APOBEC1: variants seen among roughly 807,000 people sequenced by gnomAD.
APOBEC1 encodes C->U-editing enzyme APOBEC-1.
In APOBEC1, 22 loss-of-function variants were observed where a neutral mutation model predicts 26.3. That is an observed-to-expected ratio of 0.84 (90% CI 0.60 to 1.19). APOBEC1 has a LOEUF of 1.19. APOBEC1 is among the 50% of genes most tolerant of loss of function. The pLI is 0.00. For synonymous variants in APOBEC1, 77 were observed against 95.3 expected, an observed-to-expected ratio of 0.81 and a Z score of 1.12; for missense variants, 253 against 289.0, an observed-to-expected ratio of 0.88 and a Z score of 0.90.
intron 1 of APOBEC1, among the ~76,000 whole-genome samples, chr12:7,660,364 G>A (rs375329223): frequency 9.3e-5 from 7 of 75,338 alleles, no homozygotes; most frequent in African/African-American, 2.8e-4. Flanking sequence ...AGGAAGGAAG[G>A]AAGGAAGGAA....
chr12:7,666,838 ATTT>A (rs201821548), upstream of APOBEC1, among the ~76,000 whole-genome samples: 1,236 of 151,648 alleles, frequency 8.2e-3, 19 homozygotes, highest in African/African-American at 0.028. Context: ...GAGTCAGCTA[ATTT>A]GTGTACAGGT....
chr12:7,659,861 C>T (rs10845640), intron 1 of APOBEC1, among the ~76,000 whole-genome samples: 52,244 of 151,660 alleles, frequency 0.34, 9,053 homozygotes, highest in South Asian at 0.45. Context: ...CCCAGCTACT[C>T]GGGAGGCTGA....
chr12:7,661,237 T>C (rs1592062515), intron 1 of APOBEC1, among the ~76,000 whole-genome samples: 1 of 135,974 alleles, frequency 7.4e-6, no homozygotes, highest in Admixed American at 7.4e-5. Flanking sequence ...ACGGGAACAA[T>C]AGACACTGGA....
chr12:7,649,759 C>G (rs1388441406), intron 4 of APOBEC1, 63 bp from the exon 5 acceptor site: 1 of 1,180,486 alleles, frequency 8.5e-7, no homozygotes, highest in African/African-American at 1.6e-5. Flanking sequence ...AATATTATCA[C>G]CACAAACATT....
At chr12:7,660,386 A>AGGAC (rs1309820289) in intron 1 of APOBEC1, among the ~76,000 whole-genome samples, 17 of 105,138 alleles carry the variant, frequency 1.6e-4, no homozygotes, top group South Asian at 8.7e-4. Context: ...GAAAGAAAGA[A>AGGAC]AGAAAGAAAG....
chr12:7,660,376 G>GAAGGAAGGAAGGAAAGAAAGAAAGAA (rs1290120140), intron 1 of APOBEC1, among the ~76,000 whole-genome samples: 1 of 60,982 alleles, frequency 1.6e-5, no homozygotes. Context: ...AGGAAGGAAG[G>GAAGGAAGGAAGGAAAGAAAGAAAGAA]AAAGAAAGAA....
intron 1 of APOBEC1, among the ~76,000 whole-genome samples, chr12:7,661,299 C>T (rs748394224): frequency 6.6e-6 from 1 of 151,548 alleles, no homozygotes; most frequent in Non-Finnish European, 1.5e-5. Flanking sequence ...AAAAACTTCC[C>T]ATTGGGTACT....
At chr12:7,664,701 G>A (rs999304677) in intron 1 of APOBEC1, among the ~76,000 whole-genome samples, 1 of 152,080 alleles carries the variant, frequency 6.6e-6, no homozygotes, top group Non-Finnish European at 1.5e-5. Flanking sequence ...GATCACTTGA[G>A]CCCAGGAGTT....
intron 4 of APOBEC1, 102 bp from the exon 5 acceptor site, chr12:7,649,798 C>A (rs940287252): frequency 1.6e-5 from 16 of 969,920 alleles, no homozygotes; most frequent in Non-Finnish European, 2.2e-5. Flanking sequence ...GACGATTTAA[C>A]TATTTCTTCT....
In APOBEC1 at chr12:7,652,518, C is replaced by A. The variant is rs769726805; in HGVS notation, c.362G>T (p.Trp121Leu). 1.2e-6 allele frequency: 2 copies of A among 1,614,068 alleles called. No homozygotes were observed. Among genetic ancestry groups the A allele is most frequent in the East Asian group, 2.2e-5 (1 of 44,880 alleles). ...TLVIYVARLF[W>L]HMDQQNRQGL... ...TTGCCGATTTTGTTGATCCATGTGCCAAAAAAGCCGAGCTACGTAGATCAC... is the reference window on the plus strand; with the variant it reads ...TTGCCGATTTTGTTGATCCATGTGCAAAAAAAGCCGAGCTACGTAGATCAC... Residue 121 changes from tryptophan to leucine, a missense_variant, in exon 3 of 5, where the codon TGG becomes TTG. Physicochemically the swap from Trp to Leu is moderately conservative, Grantham distance 61. Transcript: ENST00000229304.
At chr12:7,666,789 G>T (rs770775614), upstream of APOBEC1, among the ~76,000 whole-genome samples, 4 of 152,176 alleles carry the variant, frequency 2.6e-5, no homozygotes, top group African/African-American at 9.6e-5. Context: ...AGAGGGGAGG[G>T]GAGCTATTAG....
Position 7,649,595 on chromosome 12 carries a change from G to A in APOBEC1, c.663C>T (p.His221=), listed in dbSNP as rs1863607763. 1.9e-6 allele frequency: 3 copies of A among 1,614,044 alleles called. No homozygotes were observed. Among genetic ancestry groups the A allele is most frequent in the Admixed American group, 3.3e-5 (2 of 59,996 alleles). The change falls in exon 5 of 5, where the codon CAC becomes CAT. Residue 221 remains histidine, a synonymous_variant. Transcript: ENST00000229304. The part of the protein sequence containing the change: ...QNCHYQTIPP[H]ILLATGLIHP... The stretch of plus-strand genomic sequence containing the variant: ...GTATCAGCCCTGTAGCTAAAAGGAT[G>A]TGTGGCGGAATCGTTTGGTAATGGC...
rs935533296 is a variant in APOBEC1 at position 7,659,022 on chromosome 12, C to CGGT, written c.17-4393_17-4391dup. Among the ~76,000 whole-genome samples, 5 of 143,204 alleles carry CGGT rather than the reference C, an allele frequency of 3.5e-5. No individual in the cohort carries two copies. In the South Asian group the frequency reaches 8.9e-4, roughly 26 times the overall value. 93.9% of individuals were successfully genotyped at this position (143,204 alleles called of 152,430 possible). On this transcript the variant is annotated intron_variant, in intron 1 of 4. Transcript: ENST00000229304. ...TAAAAATATATTTATAGGCCGGGCG[C>CGGT]GGTGGCTCATGCCTGTAATCCCAGC...
intron 1 of APOBEC1, among the ~76,000 whole-genome samples, chr12:7,658,361 G>A (rs1392866489): frequency 6.6e-6 from 1 of 152,198 alleles, no homozygotes; most frequent in African/African-American, 2.4e-5. Flanking sequence ...ACCGTGCCCG[G>A]CCAAAATTGG....
In APOBEC1 at chr12:7,652,818, CA is replaced by C; in HGVS notation, c.61del (p.Trp21GlyfsTer26). 1 of 1,591,352 alleles carries C rather than the reference CA, an allele frequency of 6.3e-7. No individual in the cohort carries two copies. On this transcript the variant is annotated frameshift_variant, in exon 3 of 5. Transcript: ENST00000229304. LOFTEE classifies it high-confidence loss of function. ...DPTLRRRIEP[W>X]EFDVFYDPRE... ...GGGGTCATAGAAGACGTCAAACTCC[CA>C]GGGTTCGATTCTTCTCCTGAAATAC...
At chr12:7,660,701 TAAAAAAAA>T (rs34455959) in intron 1 of APOBEC1, among the ~76,000 whole-genome samples, 2 of 120,056 alleles carry the variant, frequency 1.7e-5, no homozygotes, top group East Asian at 4.9e-4. Flanking sequence ...AGATTCCATC[TAAAAAAAA>T]AAAAAAAAAG....
At chr12:7,653,190 A>T (rs1863671033) in intron 2 of APOBEC1, among the ~76,000 whole-genome samples, 1 of 151,714 alleles carries the variant, frequency 6.6e-6, no homozygotes, top group African/African-American at 2.4e-5. Flanking sequence ...TCAGCCTCCC[A>T]AAGTGCTGGG....
intron 1 of APOBEC1, among the ~76,000 whole-genome samples, chr12:7,660,096 G>T (rs1393126114): frequency 6.6e-6 from 1 of 151,724 alleles, no homozygotes; most frequent in Non-Finnish European, 1.5e-5. Context: ...CAAGGTCAAG[G>T]GTTCAAGACT....
intron 1 of APOBEC1, among the ~76,000 whole-genome samples, chr12:7,659,310 AAAAAAAAAAAAAAT>A (rs1863764709): frequency 3.2e-5 from 3 of 93,696 alleles, no homozygotes; most frequent in Non-Finnish European, 6.1e-5. Flanking sequence ...AAAAAAAAAA[AAAAAAAAAAAAAAT>A]ATATATATAT....
Sources: gnomAD v4.1 joint callset for allele counts (sites outside exome capture counted in the v4.1 genomes callset) on GRCh38, gnomAD v4.1.1 for gene constraint, MANE v1.5 for transcripts, NCBI Gene and HGNC (gene_info 2026-07-23, HGNC 2026-07-21) for gene names.